RAPGEF4: variants seen among roughly 807,000 people sequenced by gnomAD.
The protein encoded by RAPGEF4 is Rap guanine nucleotide exchange factor 4, also known as RAP guanine-nucleotide-exchange factor (GEF) 4.
Under a neutral mutation model 147.9 loss-of-function variants are expected in RAPGEF4, and 66 were observed. The ratio of observed to expected loss-of-function variants is 0.45; its 90% confidence interval spans 0.37 to 0.55. The LOEUF is 0.55. Ranked by LOEUF, RAPGEF4 falls within the 20% of genes least tolerant of loss-of-function variation. The pLI, the probability that RAPGEF4 is intolerant of heterozygous loss-of-function variation, is 0.00. For missense variants in RAPGEF4, 1,071 were observed against 1,257.3 expected (o/e 0.85, Z 2.24); for synonymous variants, 419 against 442.7 (o/e 0.95, Z 0.67).
chr2:172,965,459 A>T (rs1165292621), intron 8 of RAPGEF4, 103 bp from the exon 9 acceptor site: 3 of 1,303,854 alleles, frequency 2.3e-6, no homozygotes, highest in South Asian at 1.3e-5. Flanking sequence ...TTCTGGTAGG[A>T]GATCATTAAG....
chr2:172,977,828 T>C (rs968358909), intron 10 of RAPGEF4, among the ~76,000 whole-genome samples: 3 of 152,212 alleles, frequency 2.0e-5, no homozygotes, highest in African/African-American at 7.2e-5. Flanking sequence ...CTGGCAGTCC[T>C]GACTTCTCTC....
chr2:172,857,453 A>G (rs1693554494), intron 4 of RAPGEF4, among the ~76,000 whole-genome samples: 1 of 152,236 alleles, frequency 6.6e-6, no homozygotes, highest in African/African-American at 2.4e-5. Context: ...CTTTCGGTGT[A>G]TACATTATTT....
At chr2:172,942,128 G>T (rs1687219254) in intron 6 of RAPGEF4, among the ~76,000 whole-genome samples, 1 of 150,766 alleles carries the variant, frequency 6.6e-6, no homozygotes, top group South Asian at 2.1e-4. Flanking sequence ...ATCCTTTTTT[G>T]ATGAGACATT....
intron 3 of RAPGEF4, among the ~76,000 whole-genome samples, chr2:172,806,100 G>A (rs1365166096): frequency 6.6e-6 from 1 of 151,110 alleles, no homozygotes; most frequent in Non-Finnish European, 1.5e-5. Flanking sequence ...AGAAGGTCCT[G>A]TTTTTCTCTG....
At chr2:172,929,791 T>G (rs972236659) in intron 6 of RAPGEF4, among the ~76,000 whole-genome samples, 1 of 152,168 alleles carries the variant, frequency 6.6e-6, no homozygotes, top group Non-Finnish European at 1.5e-5. Flanking sequence ...TTGTGGGTGC[T>G]CATGTCATCA....
In RAPGEF4 at chr2:172,882,044, G is replaced by T. The variant is rs559935328; in HGVS notation, c.445-35758G>T. Among the ~76,000 whole-genome samples, 5 of 152,270 alleles carry T rather than the reference G, an allele frequency of 3.3e-5. No homozygotes were observed. In the East Asian group the frequency reaches 9.6e-4, roughly 29 times the overall value. On this transcript the variant is annotated intron_variant, in intron 4 of 30. Transcript: ENST00000397081. Reference sequence around the variant, plus strand: ...GATGGGAAAGCATTAAAATATATATGTGGTGTGTTCATGTTAACAGGGGAC... The same window carrying T: ...GATGGGAAAGCATTAAAATATATATTTGGTGTGTTCATGTTAACAGGGGAC...
At chr2:172,866,793 T>A (rs1694696912) in intron 4 of RAPGEF4, among the ~76,000 whole-genome samples, 1 of 152,128 alleles carries the variant, frequency 6.6e-6, no homozygotes, top group South Asian at 2.1e-4. Flanking sequence ...CACCACCAAT[T>A]TTGTTGTATT....
chr2:172,754,057 A>G (rs1470109903), intron 1 of RAPGEF4, among the ~76,000 whole-genome samples: 1 of 152,230 alleles, frequency 6.6e-6, no homozygotes. Flanking sequence ...ATTGGACCAA[A>G]TAAAATAATT....
intron 1 of RAPGEF4, among the ~76,000 whole-genome samples, chr2:172,741,432 A>T (rs768893936): frequency 2.0e-5 from 3 of 152,240 alleles, no homozygotes; most frequent in Non-Finnish European, 4.4e-5. Context: ...AGGCCCTTGC[A>T]CTGGGCCCTT....
chr2:172,814,512 T>A, intron 4 of RAPGEF4, 87 bp downstream of exon 4: 1 of 1,478,338 alleles, frequency 6.8e-7, no homozygotes, highest in Non-Finnish European at 9.4e-7. Context: ...CAGTCAAGCC[T>A]TAATGTGTTC....
intron 4 of RAPGEF4, chr2:172,821,726 C>G: frequency 1.4e-6 from 1 of 709,444 alleles, no homozygotes; most frequent in Non-Finnish European, 1.8e-6. Flanking sequence ...TTATTAGGAG[C>G]TAACTAAAGT....
intron 4 of RAPGEF4, among the ~76,000 whole-genome samples, chr2:172,898,600 A>G (rs1400464597): frequency 6.6e-6 from 1 of 152,106 alleles, no homozygotes; most frequent in Non-Finnish European, 1.5e-5. Context: ...GGCTGGCTGG[A>G]CCTGCTCACT....
At chr2:172,997,082 G>A (rs1465639698) in intron 16 of RAPGEF4, among the ~76,000 whole-genome samples, 3 of 152,216 alleles carry the variant, frequency 2.0e-5, no homozygotes, top group African/African-American at 7.2e-5. Context: ...TACAGTTCTA[G>A]AGGCTAGAAA....
intron 4 of RAPGEF4, among the ~76,000 whole-genome samples, chr2:172,846,596 A>G (rs1057223198): frequency 1.3e-5 from 2 of 152,164 alleles, no homozygotes; most frequent in Non-Finnish European, 2.9e-5. Flanking sequence ...TCCCAGTGGC[A>G]GATCTCAGTT....
At chr2:172,927,794 G>T (rs1057333842) in intron 6 of RAPGEF4, among the ~76,000 whole-genome samples, 1 of 152,192 alleles carries the variant, frequency 6.6e-6, no homozygotes, top group African/African-American at 2.4e-5. Flanking sequence ...CTGAACCTAT[G>T]AAGACACCTT....
At position 172,881,819 on chromosome 2, in the gene RAPGEF4, A is replaced by C. The variant is rs1257284871; in HGVS notation, c.445-35983A>C. Among the ~76,000 whole-genome samples the C allele has an allele frequency of 2.6e-5, 4 of 152,344 alleles. No homozygotes were observed. The East Asian group carries it at 7.7e-4, about 29-fold the overall frequency. On this transcript the variant is annotated intron_variant, in intron 4 of 30. Coordinates refer to ENST00000397081, the MANE Select transcript of RAPGEF4 (RefSeq NM_007023.4). ...AGAGACTACTTTGGTATGCCTTATC[A>C]GAGAATTCATCAGTGGCCTTTAAAT...
chr2:172,848,198 C>T (rs1482608759), intron 4 of RAPGEF4, among the ~76,000 whole-genome samples: 4 of 152,194 alleles, frequency 2.6e-5, no homozygotes, highest in East Asian at 1.9e-4. Flanking sequence ...TCTAAACTCA[C>T]GCGCAGGGCA....
intron 8 of RAPGEF4, among the ~76,000 whole-genome samples, chr2:172,962,613 G>A (rs146516840): frequency 1.8e-3 from 267 of 151,946 alleles, no homozygotes; most frequent in Non-Finnish European, 3.3e-3. Flanking sequence ...TCTTCTGCTT[G>A]CATTTGGCAT....
intron 4 of RAPGEF4, among the ~76,000 whole-genome samples, chr2:172,845,459 T>C (rs1692074487): frequency 6.6e-6 from 1 of 152,046 alleles, no homozygotes; most frequent in Non-Finnish European, 1.5e-5. Flanking sequence ...ATTTAATTAA[T>C]GTCTGATGTT....
Sources: allele counts gnomAD v4.1 joint callset (sites outside exome capture counted in the v4.1 genomes callset), GRCh38; gene constraint gnomAD v4.1.1; transcripts MANE v1.5; gene names NCBI Gene and HGNC (gene_info 2026-07-23, HGNC 2026-07-21).